RARS2: variants seen among roughly 807,000 people sequenced by gnomAD.
RARS2 encodes the protein arginyl-tRNA synthetase 2, mitochondrial.
A neutral mutation model predicts 88.5 loss-of-function variants in RARS2; 67 were observed. The ratio of observed to expected loss-of-function variants is 0.76; its 90% CI spans 0.62 to 0.93. RARS2 has a LOEUF of 0.93. Among genes scored for constraint, RARS2 ranks in the 40% least tolerant of loss-of-function variants. The pLI is 0.00. For synonymous variants in RARS2, 239 were observed against 230.3 expected (o/e 1.04, Z -0.34); for missense variants, 664 against 684.2 (o/e 0.97, Z 0.33).
At chr6:87,545,307 C>T (rs1225974478) in intron 7 of RARS2, among the ~76,000 whole-genome samples, 1 of 152,178 alleles carries the variant, frequency 6.6e-6, no homozygotes, top group Non-Finnish European at 1.5e-5. Flanking sequence ...TGGTCTCAAA[C>T]TCCTGGGCTC....
intron 19 of RARS2, 83 bp downstream of exon 19, chr6:87,514,874 T>C: frequency 8.4e-7 from 1 of 1,188,202 alleles, no homozygotes; most frequent in Non-Finnish European, 1.3e-6. Context: ...CAGAATGCTA[T>C]TTTAGAAAAA....
chr6:87,533,356 C>T lies in RARS2; in HGVS notation c.613-2414G>A, dbSNP rs74357590. ...AAACATTAGTGAAAATCAACTGACA[C>T]TATCAAAGAGAAGAGCTTTAATAAG... On this transcript the variant is annotated intron_variant, in intron 8 of 19. Transcript: ENST00000369536. Among the ~76,000 whole-genome samples, 657 of 152,270 alleles carry T rather than the reference C, an allele frequency of 4.3e-3. 3 individuals carry two copies. Among genetic ancestry groups the T allele is most frequent in the African/African-American group, 0.015 (613 of 41,540 alleles).
At chr6:87,543,178 C>G (rs1447550249) in intron 7 of RARS2, among the ~76,000 whole-genome samples, 1 of 151,900 alleles carries the variant, frequency 6.6e-6, no homozygotes, top group Non-Finnish European at 1.5e-5. Context: ...TGGCACATGC[C>G]TGTAAACCCA....
chr6:87,575,984 G>C (rs1344064593), intron 1 of RARS2, among the ~76,000 whole-genome samples: 1 of 151,760 alleles, frequency 6.6e-6, no homozygotes, highest in Non-Finnish European at 1.5e-5. Context: ...ATTTTTAGCA[G>C]AGACAGGGTT....
At chr6:87,552,212 G>A (rs908588912) in intron 5 of RARS2, among the ~76,000 whole-genome samples, 1 of 152,100 alleles carries the variant, frequency 6.6e-6, no homozygotes, top group Admixed American at 6.5e-5. Flanking sequence ...GGTATCTCTT[G>A]TTTTCTGGGG....
intron 2 of RARS2, among the ~76,000 whole-genome samples, chr6:87,567,311 G>A (rs573327605): frequency 1.3e-5 from 2 of 152,088 alleles, no homozygotes; most frequent in South Asian, 2.1e-4. Flanking sequence ...GCACACACAG[G>A]GTTCATTAAA....
intron 4 of RARS2, among the ~76,000 whole-genome samples, chr6:87,558,161 G>A (rs2128155328): frequency 6.8e-6 from 1 of 147,162 alleles, no homozygotes; most frequent in Admixed American, 6.8e-5. Flanking sequence ...TGGGCAACAA[G>A]AGCAAAACTC....
chr6:87,535,895 G>C (rs1362281674), intron 8 of RARS2, among the ~76,000 whole-genome samples: 1 of 151,738 alleles, frequency 6.6e-6, no homozygotes, highest in Non-Finnish European at 1.5e-5. Flanking sequence ...ACGTTGCTGA[G>C]GCTGGTCTCA....
At chr6:87,515,469 G>A (rs565384398) in intron 18 of RARS2, among the ~76,000 whole-genome samples, 10 of 151,576 alleles carry the variant, frequency 6.6e-5, no homozygotes, top group South Asian at 2.1e-4. Flanking sequence ...GCAGTGAGCC[G>A]AGATCACGCC....
At position 87,548,572 on chromosome 6, in the gene RARS2, T is replaced by C. The variant is rs748469363; in HGVS notation, c.451+19A>G. ...CCTCAAAGGAACGTTTAGCATTTTA[T>C]GTGAAACTAAACACTTACCTATGAT... is the stretch of plus-strand genomic sequence containing the variant. On this transcript the variant is annotated intron_variant, in intron 6 of 19. Coordinates refer to ENST00000369536, the MANE Select transcript of RARS2 (RefSeq NM_020320.5). The C allele has an allele frequency of 3.7e-6, 6 of 1,609,016 alleles. No homozygotes were observed. The South Asian group carries it at 4.4e-5, about 12-fold the overall frequency.
chr6:87,581,637 G>T (rs1773502903), intron 1 of RARS2, among the ~76,000 whole-genome samples: 1 of 131,358 alleles, frequency 7.6e-6, no homozygotes, highest in South Asian at 2.2e-4. Flanking sequence ...ACATGTGCAG[G>T]ATGTGCAGGT....
At chr6:87,554,399 A>AC (rs1661096537) in intron 5 of RARS2, among the ~76,000 whole-genome samples, 1 of 124,874 alleles carries the variant, frequency 8.0e-6, no homozygotes, top group Non-Finnish European at 1.7e-5. Context: ...TTTTCTGGTA[A>AC]TTAAAAAAAT....
intron 10 of RARS2, among the ~76,000 whole-genome samples, chr6:87,525,571 A>T: frequency 6.8e-6 from 1 of 147,918 alleles, no homozygotes; most frequent in South Asian, 2.1e-4. Context: ...TTTGAGACGG[A>T]GTCTCACTTT....
intron 1 of RARS2, among the ~76,000 whole-genome samples, chr6:87,586,874 G>A (rs1034500366): frequency 6.9e-6 from 1 of 145,930 alleles, no homozygotes; most frequent in Non-Finnish European, 1.5e-5. Context: ...GAAAATCTGT[G>A]GGGTTGGTTA....
intron 16 of RARS2, 146 bp from the exon 17 acceptor site, chr6:87,518,410 G>A (rs1772535001): frequency 1.2e-5 from 18 of 1,503,992 alleles, no homozygotes; most frequent in African/African-American, 2.8e-5. Flanking sequence ...TATATTTTTC[G>A]ACAGGGTTAT....
intron 10 of RARS2, among the ~76,000 whole-genome samples, chr6:87,527,446 T>TA (rs1156694402): frequency 1.3e-5 from 2 of 152,134 alleles, no homozygotes; most frequent in Non-Finnish European, 2.9e-5. Context: ...AAGACAAATC[T>TA]AAGACCTGAG....
intron 8 of RARS2, among the ~76,000 whole-genome samples, chr6:87,537,392 C>A (rs567976447): frequency 1.3e-5 from 2 of 152,328 alleles, no homozygotes; most frequent in East Asian, 3.9e-4. Context: ...ACTACCTGTG[C>A]CGGAATCCTG....
At chr6:87,531,505 G>A (rs1287125131) in intron 8 of RARS2, among the ~76,000 whole-genome samples, 2 of 152,202 alleles carry the variant, frequency 1.3e-5, no homozygotes, top group Non-Finnish European at 2.9e-5. Context: ...ATAGCTTACT[G>A]TGTAAAGACC....
intron 17 of RARS2, among the ~76,000 whole-genome samples, chr6:87,517,467 G>C (rs1329426257): frequency 2.0e-5 from 3 of 152,066 alleles, no homozygotes; most frequent in Non-Finnish European, 4.4e-5. Flanking sequence ...CCATGTTTAA[G>C]AATATAAAAT....
Sources: gnomAD v4.1 joint callset for allele counts (sites outside exome capture counted in the v4.1 genomes callset) on GRCh38, gnomAD v4.1.1 for gene constraint, MANE v1.5 for transcripts, NCBI Gene and HGNC (gene_info 2026-07-23, HGNC 2026-07-21) for gene names.